The following ZNF280D variants were observed in gnomAD, a reference collection of about 807,000 sequenced individuals.
The protein encoded by ZNF280D is zinc finger protein 280D.
ZNF280D carries 39 observed loss-of-function variants against 94.7 expected under a neutral mutation model. The observed-to-expected ratio is 0.41, with a 90% CI of 0.32 to 0.54. ZNF280D has a LOEUF of 0.54. Among genes scored for constraint, ZNF280D ranks in the 20% least tolerant of loss-of-function variants. The pLI, the probability that ZNF280D is intolerant of heterozygous loss-of-function variation, is 0.22. For synonymous variants in ZNF280D, 398 were observed against 377.6 expected (o/e 1.05, Z -0.63); for missense variants, 1,090 against 1,149.3 (o/e 0.95, Z 0.75).
chr15:56,656,108 G>T (rs1005987030), intron 17 of ZNF280D, among the ~76,000 whole-genome samples: 80 of 152,174 alleles, frequency 5.3e-4, no homozygotes, highest in African/African-American at 1.9e-3. Context: ...AAAACGCATA[G>T]TTATTTATGT....
At chr15:56,664,322 A>T (rs1367614641) in intron 16 of ZNF280D, among the ~76,000 whole-genome samples, 1 of 152,186 alleles carries the variant, frequency 6.6e-6, no homozygotes, top group Non-Finnish European at 1.5e-5. Flanking sequence ...AAATAAGGAA[A>T]ACAGGCAGTT....
intron 6 of ZNF280D, among the ~76,000 whole-genome samples, chr15:56,694,196 G>A (rs1380665707): frequency 6.6e-6 from 1 of 151,726 alleles, no homozygotes; most frequent in East Asian, 1.9e-4. Flanking sequence ...AGTTATATAT[G>A]AGCATACATA....
intron 7 of ZNF280D, among the ~76,000 whole-genome samples, chr15:56,691,192 C>A (rs2056402408): frequency 6.6e-6 from 1 of 151,978 alleles, no homozygotes; most frequent in Admixed American, 6.6e-5. Context: ...ATAGATTAAC[C>A]TGTCAGCTTT....
Position 56,678,833 on chromosome 15 carries a change from T to G in ZNF280D, c.1005-12A>C. On this transcript the variant is annotated splice_polypyrimidine_tract_variant and intron_variant, in intron 10 of 21. Coordinates refer to ENST00000267807, the MANE Select transcript of ZNF280D (RefSeq NM_017661.4). ...TGTGGTTCATAAACCTATAAATGGT[T>G]GTCAACAGGTGCAAAACTTGAGATT... 1 of 1,516,690 alleles carries G rather than the reference T, an allele frequency of 6.6e-7. No homozygotes were observed. Among genetic ancestry groups the G allele is most frequent in the Non-Finnish European group, 8.8e-7 (1 of 1,130,140 alleles). 94.0% of individuals were successfully genotyped at this position (1,516,690 alleles called of 1,614,324 possible).
At chr15:56,663,511 A>G (rs1289965579) in intron 16 of ZNF280D, among the ~76,000 whole-genome samples, 1 of 152,086 alleles carries the variant, frequency 6.6e-6, no homozygotes, top group African/African-American at 2.4e-5. Flanking sequence ...ACAAGAATCA[A>G]CACTGCAGAG....
At chr15:56,690,533 G>A (rs1480324227) in intron 7 of ZNF280D, among the ~76,000 whole-genome samples, 13 of 152,256 alleles carry the variant, frequency 8.5e-5, no homozygotes, top group Admixed American at 8.5e-4. Context: ...ATGTTTAACA[G>A]AGGAACTCTT....
At chr15:56,733,434 G>A in intron 1 of ZNF280D, 24 bp downstream of exon 1, 1 of 1,053,224 alleles carries the variant, frequency 9.5e-7, no homozygotes, top group Non-Finnish European at 1.2e-6. Context: ...AGCGCAGGGC[G>A]GGCGGGGGCG....
At chr15:56,655,567 C>A (rs1429681032) in intron 17 of ZNF280D, among the ~76,000 whole-genome samples, 2 of 152,204 alleles carry the variant, frequency 1.3e-5, no homozygotes, top group East Asian at 3.8e-4. Flanking sequence ...GGTTAGGAAA[C>A]AATTCCCTAG....
At chr15:56,649,276 G>C (rs2053074243) in intron 19 of ZNF280D, among the ~76,000 whole-genome samples, 1 of 152,070 alleles carries the variant, frequency 6.6e-6, no homozygotes, top group African/African-American at 2.4e-5. Flanking sequence ...AGTAACCTCA[G>C]AATCACTGGT....
At chr15:56,676,900 C>T in intron 12 of ZNF280D, 84 bp from the exon 13 acceptor site, 3 of 1,094,658 alleles carry the variant, frequency 2.7e-6, no homozygotes, top group Non-Finnish European at 4.0e-6. Flanking sequence ...GATAATTTGT[C>T]AGGAGAACAT....
chr15:56,651,271 C>A (rs896977392), intron 19 of ZNF280D, among the ~76,000 whole-genome samples: 1 of 152,104 alleles, frequency 6.6e-6, no homozygotes, highest in African/African-American at 2.4e-5. Flanking sequence ...CAAACTGAAC[C>A]AATCACATAT....
chr15:56,685,356 C>G (rs1056711757), intron 9 of ZNF280D, among the ~76,000 whole-genome samples: 1 of 151,536 alleles, frequency 6.6e-6, no homozygotes, highest in East Asian at 1.9e-4. Flanking sequence ...CAAAACAAAA[C>G]AAAACAAAAC....
At chr15:56,720,964 T>A (rs1311516708) in intron 1 of ZNF280D, among the ~76,000 whole-genome samples, 1 of 30,380 alleles carries the variant, frequency 3.3e-5, no homozygotes, top group Non-Finnish European at 1.2e-4. Flanking sequence ...GATTTAGCAT[T>A]TTTTTTGGGG....
At chr15:56,719,447 C>G (rs1439301706) in intron 1 of ZNF280D, among the ~76,000 whole-genome samples, 1 of 152,108 alleles carries the variant, frequency 6.6e-6, no homozygotes, top group Non-Finnish European at 1.5e-5. Flanking sequence ...TTGTTTTCTG[C>G]CATGAGTGGA....
intron 6 of ZNF280D, among the ~76,000 whole-genome samples, chr15:56,694,517 T>C (rs2056630155): frequency 6.6e-6 from 1 of 152,070 alleles, no homozygotes; most frequent in Non-Finnish European, 1.5e-5. Flanking sequence ...GGACATAAAC[T>C]GAGAGAATTC....
intron 6 of ZNF280D, chr15:56,699,671 CAA>C (rs1262042831): frequency 6.6e-6 from 5 of 757,054 alleles, no homozygotes; most frequent in Admixed American, 6.3e-5. Flanking sequence ...CATGTAACAA[CAA>C]AAAAAAATCA....
At position 56,642,680 on chromosome 15, in the gene ZNF280D, T is replaced by C. The variant is rs184371691; in HGVS notation, c.2259+272A>G. Among the ~76,000 whole-genome samples, 132 of 151,940 alleles carry C rather than the reference T, an allele frequency of 8.7e-4. 1 individual carries two copies. The highest frequency in any genetic ancestry group is 1.8e-3 in the Non-Finnish European group (122 of 67,704). ...TACTGATTTGGGGATTTTTAATTCA[T>C]AAATTTATCTCCATTACTCACTAGT... is the stretch of plus-strand genomic sequence containing the variant. On this transcript the variant is annotated intron_variant, in intron 20 of 21. Coordinates refer to ENST00000267807, the MANE Select transcript of ZNF280D (RefSeq NM_017661.4).
intron 1 of ZNF280D, among the ~76,000 whole-genome samples, chr15:56,713,957 T>C (rs1188310865): frequency 1.3e-5 from 2 of 152,110 alleles, no homozygotes; most frequent in Non-Finnish European, 2.9e-5. Context: ...TAAACAATAA[T>C]ATAATTAAAG....
chr15:56,698,270 C>A (rs1418655168), intron 6 of ZNF280D: 1 of 152,120 alleles, frequency 6.6e-6, no homozygotes, highest in African/African-American at 2.4e-5. Flanking sequence ...TTACACAGGT[C>A]TTCCAAATGG....
Sources: allele counts gnomAD v4.1 joint callset (sites outside exome capture counted in the v4.1 genomes callset), GRCh38; gene constraint gnomAD v4.1.1; transcripts MANE v1.5; gene names NCBI Gene and HGNC (gene_info 2026-07-23, HGNC 2026-07-21).